Variants in SPG7 observed in about 807,000 individuals in gnomAD.
The protein encoded by SPG7 is SPG7 matrix AAA peptidase subunit, paraplegin, also known as mitochondrial inner membrane m-AAA protease component paraplegin.
A neutral mutation model predicts 81.9 loss-of-function variants in SPG7; 103 were observed. The observed-to-expected ratio is 1.26, with a 90% CI of 1.07 to 1.48. The LOEUF is 1.48. SPG7 is among the 40% of genes most tolerant of loss of function. The pLI, the probability that SPG7 is intolerant of heterozygous loss-of-function variation, is 0.00. For missense variants in SPG7, 1,241 were observed against 1,087.3 expected, an observed-to-expected ratio of 1.14 and a Z score of -1.99; for synonymous variants, 534 against 444.2, an observed-to-expected ratio of 1.20 and a Z score of -2.54.
chr16:89,519,419 T>G (rs1283239253), intron 3 of SPG7: 1 of 149,712 alleles, frequency 6.7e-6, no homozygotes, highest in Non-Finnish European at 1.5e-5. Flanking sequence ...TCGCTCTTGT[T>G]GCCCAGCCTG....
Position 89,557,185 on chromosome 16 carries a change from C to T in SPG7, c.*92C>T, listed in dbSNP as rs756100621. 5 of 863,956 alleles carry T rather than the reference C, an allele frequency of 5.8e-6. No individual in the cohort carries two copies. Among genetic ancestry groups the T allele is most frequent in the Non-Finnish European group, 9.5e-6 (5 of 527,356 alleles). 53.5% of individuals were successfully genotyped at this position (863,956 alleles called of 1,614,324 possible). On this transcript the variant is annotated 3_prime_UTR_variant, in exon 17 of 17. Transcript: ENST00000645818. ...GCTTTTCAGCTGAGGTTTGCACTTC[C>T]TCTCGCGGCCCTCAGTAGTCCCTGC...
At chr16:89,520,299 G>T (rs1258266094) in intron 3 of SPG7, 1 of 156,730 alleles carries the variant, frequency 6.4e-6, no homozygotes, top group African/African-American at 2.4e-5. Context: ...GGGCGTTTGG[G>T]TTGAACAGAA....
chr16:89,515,577 T>TA (rs1395844394), intron 3 of SPG7, among the ~76,000 whole-genome samples: 3 of 145,774 alleles, frequency 2.1e-5, no homozygotes, highest in Admixed American at 6.8e-5. Context: ...GACCTTTTTA[T>TA]AAAAAAAAAT....
chr16:89,532,697 T>C (rs1193796129), intron 9 of SPG7, 61 bp downstream of exon 9: 2 of 1,599,654 alleles, frequency 1.3e-6, no homozygotes, highest in Non-Finnish European at 1.7e-6. Flanking sequence ...CCGATGTCTT[T>C]CAGAACAGGT....
chr16:89,524,042 A>C lies in SPG7; in HGVS notation c.413A>C (p.Tyr138Ser), dbSNP rs377268309. 2.8e-5 allele frequency: 45 copies of C among 1,613,464 alleles called. No homozygotes were observed. Among genetic ancestry groups the C allele is most frequent in the Non-Finnish European group, 3.8e-5 (45 of 1,180,016 alleles). Residue 138 changes from tyrosine (Y) to serine (S), a missense_variant, in exon 4 of 17, where the codon TAC (tyrosine) becomes TCC (serine). Physicochemically the swap from Tyr to Ser is moderately radical, Grantham distance 144. Transcript: ENST00000645818. ...RRRRERDDQM[Y>S]RERLRTLLVI... is the part of the protein sequence containing the mutation. The stretch of plus-strand genomic sequence containing the variant: ...CGCCGTGAGCGGGACGACCAGATGT[A>C]CCGAGAGCGGCTGCGCACCTTGCTG...
At chr16:89,552,634 C>T in intron 13 of SPG7, 3 of 363,338 alleles carry the variant, frequency 8.3e-6, no homozygotes, top group Non-Finnish European at 1.6e-5. Flanking sequence ...CCCTCAGTAG[C>T]TGTCGCTGGT....
intron 4 of SPG7, 40 bp from the exon 5 acceptor site, chr16:89,526,289 C>T: frequency 1.2e-6 from 2 of 1,612,698 alleles, no homozygotes; most frequent in Non-Finnish European, 1.7e-6. Flanking sequence ...CTCGTCTGTC[C>T]CTGCGTTTCT....
intron 1 of SPG7, chr16:89,509,067 C>T (rs2057975393): frequency 2.4e-6 from 1 of 417,138 alleles, no homozygotes; most frequent in South Asian, 1.7e-5. Context: ...TTGCTGTTGT[C>T]ATGTAGCTCG....
intron 2 of SPG7, among the ~76,000 whole-genome samples, chr16:89,512,403 C>A (rs948730171): frequency 2.0e-5 from 3 of 152,060 alleles, no homozygotes; most frequent in African/African-American, 7.2e-5. Flanking sequence ...GCAACCTCCG[C>A]CTCCCGGGTT....
intron 6 of SPG7, 72 bp from the exon 7 acceptor site, chr16:89,530,611 G>T: frequency 6.3e-7 from 1 of 1,597,058 alleles, no homozygotes; most frequent in Non-Finnish European, 8.6e-7. Context: ...AGGTGCGTGG[G>T]CTGAGCGCTG....
chr16:89,556,738 G>T, intron 16 of SPG7, 149 bp from the exon 17 acceptor site: 1 of 724,440 alleles, frequency 1.4e-6, no homozygotes. Flanking sequence ...TTTCGGAGCT[G>T]CCTCCGTGCC....
intron 9 of SPG7, chr16:89,540,832 C>G: frequency 3.3e-6 from 3 of 913,522 alleles, no homozygotes; most frequent in South Asian, 1.0e-4. Context: ...GACTTAGGCT[C>G]ACACGAAATG....
chr16:89,550,207 C>G (rs540952454), intron 12 of SPG7: 2 of 387,986 alleles, frequency 5.2e-6, no homozygotes, highest in Non-Finnish European at 9.9e-6. Flanking sequence ...GAGTCTTGCT[C>G]TGTCGCCCAG....
At position 89,557,220 on chromosome 16, in the gene SPG7, T is replaced by C. The variant is rs2058696619; in HGVS notation, c.*127T>C. ...CCTCAGTAGTCCCTGCACAGTGACTTCTGAGATCTGTTGATTGATGACCCT... is the reference window on the plus strand; with the variant it reads ...CCTCAGTAGTCCCTGCACAGTGACTCCTGAGATCTGTTGATTGATGACCCT... On this transcript the variant is annotated 3_prime_UTR_variant, in exon 17 of 17. Coordinates refer to ENST00000645818, the MANE Select transcript of SPG7 (RefSeq NM_003119.4). 1.8e-5 allele frequency: 12 copies of C among 654,534 alleles called. No individual in the cohort carries two copies. The Admixed American group carries it at 2.5e-4, about 14-fold the overall frequency. 40.5% of individuals were successfully genotyped at this position (654,534 alleles called of 1,614,324 possible).
intron 3 of SPG7, chr16:89,518,920 A>G (rs2058144148): frequency 6.6e-6 from 1 of 151,990 alleles, no homozygotes; most frequent in Non-Finnish European, 1.5e-5. Context: ...TACTGTTCAT[A>G]GTTTTGTGAG....
chr16:89,517,616 C>CTTTTTTTT lies in SPG7; in HGVS notation c.376+4592_376+4599dup, dbSNP rs11318359. ...CCTGCATCTGAGTAATTGTCGTCGT[C>CTTTTTTTT]TTTTTTTTTTTTTTTTTTTTGAGAT... On this transcript the variant is annotated intron_variant, in intron 3 of 16. Transcript: ENST00000645818. 3.8e-5 allele frequency: 5 copies of CTTTTTTTT among 130,314 alleles called. 2 individuals are homozygous for CTTTTTTTT. Among genetic ancestry groups the CTTTTTTTT allele is most frequent in the African/African-American group, 2.8e-5 (1 of 35,380 alleles). The allele number at this position is 130,314 out of a possible 1,614,324, so 8.1% of individuals were successfully genotyped here. A position where few individuals can be genotyped will look rare whatever the true frequency, so the allele number is the denominator to read the frequency against.
chr16:89,548,545 G>A (rs1466404446), intron 12 of SPG7: 2 of 308,384 alleles, frequency 6.5e-6, no homozygotes, highest in Admixed American at 4.9e-5. Context: ...TGCTTTCAGC[G>A]CAGCAGGGGC....
rs1387985266 is a variant in SPG7, at chr16:89,531,962, G to C, written c.1046G>C (p.Gly349Ala). Residue 349 changes from glycine (G) to alanine (A), a missense_variant, in exon 8 of 17, where the codon GGC becomes GCC. Transcript: ENST00000645818. ...AKVPKGALLL[G>A]PPGCGKTLLA... Reference sequence around the variant, plus strand: ...GTCCCAAAGGGCGCACTGCTGCTCGGCCCCCCCGGCTGTGGGAAGACGCTG... The same window carrying C: ...GTCCCAAAGGGCGCACTGCTGCTCGCCCCCCCCGGCTGTGGGAAGACGCTG... 1.2e-6 allele frequency: 2 copies of C among 1,613,736 alleles called. No individual in the cohort carries two copies. The highest frequency in any genetic ancestry group is 1.7e-6 in the Non-Finnish European group (2 of 1,179,736).
intron 3 of SPG7, among the ~76,000 whole-genome samples, chr16:89,513,801 GA>G (rs2058054005): frequency 6.6e-6 from 1 of 152,208 alleles, no homozygotes; most frequent in Non-Finnish European, 1.5e-5. Context: ...CATCTTTCTA[GA>G]AAGGCACCTG....
Sources: allele counts gnomAD v4.1 joint callset (sites outside exome capture counted in the v4.1 genomes callset), GRCh38; gene constraint gnomAD v4.1.1; transcripts MANE v1.5; gene names NCBI Gene and HGNC (gene_info 2026-07-23, HGNC 2026-07-21).